The following SPPL2B variants were observed in gnomAD, a reference collection of about 807,000 sequenced individuals.
The protein encoded by SPPL2B is signal peptide peptidase-like 2B.
Under a neutral mutation model 59.7 loss-of-function variants are expected in SPPL2B, and 39 were observed. The observed-to-expected ratio is 0.65, with a 90% CI of 0.51 to 0.85. The LOEUF is 0.85. Among genes scored for constraint, SPPL2B ranks in the 40% least tolerant of loss-of-function variants. The pLI is 0.00. For missense variants in SPPL2B, 865 were observed against 849.0 expected, an observed-to-expected ratio of 1.02 and a Z score of -0.23; for synonymous variants, 419 against 370.8, an observed-to-expected ratio of 1.13 and a Z score of -1.49.
chr19:2,341,791 A>G (rs768411449), intron 8 of SPPL2B: 1 of 367,400 alleles, frequency 2.7e-6, no homozygotes, highest in Non-Finnish European at 5.6e-6. Flanking sequence ...TCGCTCCGTC[A>G]CATGAAGTTA....
rs1128392 is a variant in SPPL2B at position 2,344,024 on chromosome 19, G to A, written c.1098G>A (p.Thr366=). ...ACGACATCTTCTTCGTGTTCATCAC[G>A]CCCTTCCTGACCAAGGTAGGCGACT... The part of the protein sequence containing the change: ...FLYDIFFVFI[T]PFLTKSGSSI... The change falls in exon 10 of 15, where the codon ACG becomes ACA. Residue 366 remains threonine (T), a synonymous_variant. Coordinates refer to ENST00000613503, the MANE Select transcript of SPPL2B (RefSeq NM_152988.3). The A allele has an allele frequency of 0.059, 90,796 of 1,547,270 alleles. 3,864 individuals carry two copies. The highest frequency in any genetic ancestry group is 0.22 in the East Asian group (8,991 of 40,812).
chr19:2,335,391 C>T (rs547345351), intron 2 of SPPL2B, among the ~76,000 whole-genome samples: 9 of 129,474 alleles, frequency 7.0e-5, no homozygotes, highest in Non-Finnish European at 9.9e-5. Context: ...CTTCAGGCCC[C>T]GCCTTCTTTC....
intron 1 of SPPL2B, among the ~76,000 whole-genome samples, chr19:2,334,068 C>T (rs751302322): frequency 6.6e-6 from 1 of 152,158 alleles, no homozygotes. Flanking sequence ...CACCGTGTGC[C>T]TGGGCCCCCG....
Position 2,337,572 on chromosome 19 carries a change from C to G in SPPL2B, c.316C>G (p.Leu106Val). Residue 106 changes from leucine (L) to valine (V), a missense_variant, in exon 3 of 15, where the codon CTG becomes GTG. By Grantham distance (32) the Leu-to-Val change is conservative. Coordinates refer to ENST00000613503, the MANE Select transcript of SPPL2B (RefSeq NM_152988.3). ...CTGCACCTTCTATGAGAAAGTGAGG[C>G]TGGCCCAGGGCAGCGGAGCACGCGG... ...GNCTFYEKVRLAQGSGARGLL... is the reference protein window; with the variant it reads ...GNCTFYEKVRVAQGSGARGLL... The G allele has an allele frequency of 6.2e-7, 1 of 1,610,314 alleles. No homozygotes were observed. Among genetic ancestry groups the G allele is most frequent in the African/African-American group, 1.3e-5 (1 of 74,994 alleles).
chr19:2,350,297 G>A lies in SPPL2B; in HGVS notation c.1355-1137G>A, dbSNP rs935767203. ...GTTCTCTCTCTCCACACACTCACGC[G>A]CTGTCATTCGCTTGACTCCGTTCTC... is the stretch of plus-strand genomic sequence containing the variant. On this transcript the variant is annotated intron_variant, in intron 13 of 14. Coordinates refer to ENST00000613503, the MANE Select transcript of SPPL2B (RefSeq NM_152988.3). Among the ~76,000 whole-genome samples the A allele has an allele frequency of 4.8e-5, 6 of 123,726 alleles. No individual in the cohort carries two copies. The East Asian group carries it at 1.2e-3, about 24-fold the overall frequency. 81.2% of individuals were successfully genotyped at this position (123,726 alleles called of 152,430 possible). A position where few individuals can be genotyped will look rare whatever the true frequency, so the allele number is the denominator to read the frequency against.
At chr19:2,343,830 G>T in intron 9 of SPPL2B, 135 bp from the exon 10 acceptor site, 1 of 652,484 alleles carries the variant, frequency 1.5e-6, no homozygotes, top group South Asian at 1.8e-5. Context: ...TGCGTGGTGC[G>T]TCCCTGGCAC....
At chr19:2,343,397 C>G (rs937296055) in intron 9 of SPPL2B, 105 bp downstream of exon 9, 1 of 969,606 alleles carries the variant, frequency 1.0e-6, no homozygotes, top group African/African-American at 1.6e-5. Context: ...TGTGCTCCTG[C>G]TCACTGCCCT....
At chr19:2,340,487 C>T (rs1968964397) in intron 7 of SPPL2B, 1 of 610,306 alleles carries the variant, frequency 1.6e-6, no homozygotes, top group East Asian at 3.3e-5. Flanking sequence ...TCCCCACAGC[C>T]CAGAGCTTGG....
chr19:2,339,970 C>A lies in SPPL2B; in HGVS notation c.742+4C>A. 2 of 1,552,968 alleles carry A rather than the reference C, an allele frequency of 1.3e-6. No homozygotes were observed. The highest frequency in any genetic ancestry group is 1.7e-6 in the Non-Finnish European group (2 of 1,147,592). The stretch of plus-strand genomic sequence containing the variant: ...TACTATTTCTACGATCTCCTCGGTG[C>A]GCGGCCCCGGGCGGGTGGGCCGCGG... On this transcript the variant is annotated splice_donor_region_variant and intron_variant, in intron 6 of 14. Coordinates refer to ENST00000613503, the MANE Select transcript of SPPL2B (RefSeq NM_152988.3).
rs771047881 is a variant in SPPL2B, at chr19:2,351,607, TTGCTC to T, written c.1515+16_1515+20del. 3.4e-5 allele frequency: 54 copies of T among 1,598,048 alleles called. No homozygotes were observed. The Admixed American group carries it at 3.4e-4, about 10-fold the overall frequency. ...CAGCGGCTTTGCGGTGAATACCAGT[TTGCTC>T]TGACTGTGAGAAATACTCGCCTAGT... On this transcript the variant is annotated intron_variant, in intron 14 of 14. Transcript: ENST00000613503.
chr19:2,337,319 CGTGCGGGGCTTT>C (rs1968708550), intron 2 of SPPL2B, 112 bp from the exon 3 acceptor site: 1 of 929,414 alleles, frequency 1.1e-6, no homozygotes, highest in Non-Finnish European at 1.6e-6. Flanking sequence ...GGGCCGAGGC[CGTGCGGGGCTTT>C]AGGTGAGGGC....
At chr19:2,337,850 T>A (rs1968747044) in intron 3 of SPPL2B, 2 of 522,070 alleles carry the variant, frequency 3.8e-6, no homozygotes, top group Admixed American at 3.7e-5. Flanking sequence ...TGGCTGGGGC[T>A]GTGGAACTTT....
At position 2,353,311 on chromosome 19, in the gene SPPL2B, G is replaced by A. The variant is rs1034740776; in HGVS notation, c.*102G>A. 4.3e-5 allele frequency: 59 copies of A among 1,382,778 alleles called. No homozygotes were observed. Among genetic ancestry groups the A allele is most frequent in the African/African-American group, 2.9e-4 (20 of 68,768 alleles). The allele number at this position is 1,382,778 out of a possible 1,614,324, so 85.7% of individuals were successfully genotyped here. A position where few individuals can be genotyped will look rare whatever the true frequency, so the allele number is the denominator to read the frequency against. ...AGACAGACGCCTGTCCCCCGGGACC[G>A]AGGCCTGTGCCGTCCCCACCCGCCC... On this transcript the variant is annotated 3_prime_UTR_variant, in exon 15 of 15. Coordinates refer to ENST00000613503, the MANE Select transcript of SPPL2B (RefSeq NM_152988.3).
intron 3 of SPPL2B, 95 bp downstream of exon 3, chr19:2,337,720 C>G: frequency 8.0e-7 from 1 of 1,255,008 alleles, no homozygotes; most frequent in Non-Finnish European, 1.1e-6. Context: ...GGTCTTCCGA[C>G]TTCTCGCTAA....
intron 1 of SPPL2B, among the ~76,000 whole-genome samples, chr19:2,330,953 G>T (rs1450003522): frequency 2.0e-5 from 3 of 152,226 alleles, no homozygotes; most frequent in African/African-American, 4.8e-5. Flanking sequence ...CTGGAGGGGG[G>T]CAGTGCTTCG....
intron 8 of SPPL2B, 32 bp downstream of exon 8, chr19:2,341,046 C>A: frequency 6.6e-7 from 1 of 1,523,006 alleles, no homozygotes. Flanking sequence ...CCCCGGCGGG[C>A]AGCGGAGTCC....
In SPPL2B at chr19:2,338,810, T is replaced by C; in HGVS notation, c.428T>C (p.Leu143Pro). 6.2e-7 allele frequency: 1 copy of C among 1,613,584 alleles called. No individual in the cohort carries two copies. The highest frequency in any genetic ancestry group is 8.5e-7 in the Non-Finnish European group (1 of 1,179,682). The change falls in exon 4 of 15, where the codon CTC (leucine) becomes CCC (proline). Residue 143 changes from leucine to proline, a missense_variant. Transcript: ENST00000613503. ...YDEIGIPVAL[L>P]SYKDMLDIFT... ...GAGATTGGCATTCCCGTGGCCCTGC[T>C]CAGCTACAAAGACATGCTGGACATC...
chr19:2,344,660 G>A lies in SPPL2B; in HGVS notation c.1276+8G>A. On this transcript the variant is annotated splice_region_variant and intron_variant, in intron 12 of 14. Transcript: ENST00000613503. ...GAGACATTTTGGTGCCAGGTACTGA[G>A]GCGGGTGGAGCACACGGGTCCACGC... The A allele has an allele frequency of 6.3e-7, 1 of 1,584,162 alleles. No individual in the cohort carries two copies. Among genetic ancestry groups the A allele is most frequent in the Non-Finnish European group, 8.7e-7 (1 of 1,154,990 alleles).
At chr19:2,335,345 G>T (rs1410883863) in intron 2 of SPPL2B, among the ~76,000 whole-genome samples, 2 of 95,566 alleles carry the variant, frequency 2.1e-5, no homozygotes, top group African/African-American at 8.3e-5. Context: ...ATTTCCCACT[G>T]CATCCTTCAG....
Sources: gnomAD v4.1 joint callset for allele counts (sites outside exome capture counted in the v4.1 genomes callset) on GRCh38, gnomAD v4.1.1 for gene constraint, MANE v1.5 for transcripts, NCBI Gene and HGNC (gene_info 2026-07-23, HGNC 2026-07-21) for gene names.